DZANK1: variants seen among roughly 807,000 people sequenced by gnomAD.
DZANK1 encodes double zinc ribbon and ankyrin repeat-containing protein 1.
In DZANK1, 91 loss-of-function variants were observed where a neutral mutation model predicts 94.5. The ratio of observed to expected loss-of-function variants is 0.96; its 90% confidence interval spans 0.81 to 1.15. The LOEUF (loss-of-function observed/expected upper bound fraction) is 1.15. Among genes scored for constraint, DZANK1 ranks in the 50% most tolerant of loss-of-function variants. The probability of loss-of-function intolerance (pLI) is 0.00; values close to 1 mark genes in which losing one functional copy is unlikely to be tolerated. For synonymous variants in DZANK1, 312 were observed against 325.3 expected (o/e 0.96, Z 0.44); for missense variants, 903 against 916.4 (o/e 0.99, Z 0.19).
At chr20:18,433,413 A>T in intron 9 of DZANK1, 1 of 447,806 alleles carries the variant, frequency 2.2e-6, no homozygotes, top group Non-Finnish European at 4.1e-6. Context: ...GTGGTGGTGC[A>T]CGCCTGTAGT....
intron 6 of DZANK1, chr20:18,451,871 T>C: frequency 1.9e-6 from 1 of 518,728 alleles, no homozygotes; most frequent in Non-Finnish European, 3.8e-6. Context: ...AAAAGCCTCC[T>C]AAATAATGTT....
At chr20:18,453,789 T>G (rs767345082) in exon 5 of DZANK1, 5 of 1,612,460 alleles carry the variant, frequency 3.1e-6, no homozygotes, top group Non-Finnish European at 4.2e-6. Flanking sequence ...TCTTATATTT[T>G]TTCTTTAGTT....
chr20:18,461,976 G>A (rs957250037), intron 2 of DZANK1, among the ~76,000 whole-genome samples: 2 of 151,766 alleles, frequency 1.3e-5, no homozygotes, highest in African/African-American at 4.8e-5. Context: ...CACCAGCAAT[G>A]CATGAAAACA....
chr20:18,433,525 G>T, intron 9 of DZANK1, 127 bp downstream of exon 9: 1 of 764,262 alleles, frequency 1.3e-6, no homozygotes, highest in Non-Finnish European at 2.1e-6. Flanking sequence ...CTGTGTGACA[G>T]AACAAGATTC....
intron 13 of DZANK1, among the ~76,000 whole-genome samples, chr20:18,401,577 G>T (rs1394273746): frequency 6.6e-6 from 1 of 152,198 alleles, no homozygotes; most frequent in Non-Finnish European, 1.5e-5. Flanking sequence ...TGGGATCCAA[G>T]ATTATTTCAT....
intron 10 of DZANK1, 99 bp downstream of exon 10, chr20:18,426,968 C>A: frequency 1.3e-6 from 1 of 774,624 alleles, no homozygotes. Context: ...TTTTTTTGGT[C>A]TCTCTCCCCA....
At chr20:18,455,795 C>G (rs2059265400) in intron 3 of DZANK1, among the ~76,000 whole-genome samples, 1 of 152,186 alleles carries the variant, frequency 6.6e-6, no homozygotes, top group Non-Finnish European at 1.5e-5. Context: ...AATCTCCATC[C>G]CTCTGTCCCT....
At chr20:18,412,348 A>G (rs1054402404) in intron 13 of DZANK1, among the ~76,000 whole-genome samples, 2 of 152,194 alleles carry the variant, frequency 1.3e-5, no homozygotes, top group African/African-American at 4.8e-5. Flanking sequence ...GCAGATAGCA[A>G]TAGCACTGTG....
chr20:18,460,383 A>G, intron 2 of DZANK1, 77 bp from the exon 3 acceptor site: 1 of 1,055,910 alleles, frequency 9.5e-7, no homozygotes, highest in Non-Finnish European at 1.3e-6. Flanking sequence ...AGGTCAGTTT[A>G]AGATCTAAGT....
rs2056209872 is a variant in DZANK1 at position 18,394,402 on chromosome 20, A to C, written c.1612-52T>G. ...ATGAATGATGAGGCTGCTTTGTCCC[A>C]CTAGAAAGAAGGATCTCCCTTCTAA... On this transcript the variant is annotated intron_variant, in intron 15 of 20. Coordinates refer to ENST00000262547, the Ensembl canonical transcript of DZANK1. 1.9e-6 allele frequency: 3 copies of C among 1,546,350 alleles called. No individual in the cohort carries two copies. In the Admixed American group the frequency reaches 5.4e-5, roughly 28 times the overall value.
Position 18,435,109 on chromosome 20 carries a change from C to T in DZANK1, c.748-1344G>A, listed in dbSNP as rs191207622. The stretch of plus-strand genomic sequence containing the variant: ...ACACATAGAGAACTGCAAGAGAGCT[C>T]GGCATAGAGTAAAAGCTGGGGCTGG... On this transcript the variant is annotated intron_variant, in intron 8 of 20. Transcript: ENST00000262547. Among the ~76,000 whole-genome samples, 320 of 152,256 alleles carry T rather than the reference C, an allele frequency of 2.1e-3. 2 individuals are homozygous for T. Among genetic ancestry groups the T allele is most frequent in the African/African-American group, 7.3e-3 (302 of 41,546 alleles).
intron 13 of DZANK1, among the ~76,000 whole-genome samples, chr20:18,410,020 G>A (rs983772544): frequency 3.7e-5 from 5 of 134,558 alleles, no homozygotes; most frequent in South Asian, 5.0e-4. Flanking sequence ...GTGGCAGAGC[G>A]AGACTCCGTC....
chr20:18,385,095 T>C lies in DZANK1; in HGVS notation c.2019-5A>G, dbSNP rs2048401410. 1 of 1,552,300 alleles carries C rather than the reference T, an allele frequency of 6.4e-7. No individual in the cohort carries two copies. The highest frequency in any genetic ancestry group is 2.4e-5 in the East Asian group (1 of 41,010). On this transcript the variant is annotated splice_polypyrimidine_tract_variant and splice_region_variant and intron_variant, in intron 19 of 20. Coordinates refer to ENST00000262547, the Ensembl canonical transcript of DZANK1. ...TGAAGAGCTGTATTTCTGAGCCTAA[T>C]GAGGGGGGAAAAATCCTGGATAAAT...
chr20:18,434,835 G>A (rs2058453459), intron 8 of DZANK1, among the ~76,000 whole-genome samples: 1 of 152,170 alleles, frequency 6.6e-6, no homozygotes, highest in Non-Finnish European at 1.5e-5. Flanking sequence ...CTGTTAAGGT[G>A]ACGATTTTGG....
At chr20:18,451,464 A>C (rs1317018094) in intron 6 of DZANK1, among the ~76,000 whole-genome samples, 1 of 151,936 alleles carries the variant, frequency 6.6e-6, no homozygotes, top group Non-Finnish European at 1.5e-5. Flanking sequence ...TAAGTTGAGG[A>C]CTTTCTTCAT....
intron 2 of DZANK1, 150 bp from the exon 3 acceptor site, chr20:18,460,456 CAT>C: frequency 4.6e-6 from 3 of 650,288 alleles, no homozygotes; most frequent in Non-Finnish European, 7.0e-6. Context: ...TTAGGACAGG[CAT>C]GTGGCTCACG....
intron 13 of DZANK1, 146 bp from the exon 14 acceptor site, chr20:18,398,772 C>G: frequency 1.4e-6 from 1 of 712,510 alleles, no homozygotes; most frequent in Non-Finnish European, 2.4e-6. Context: ...CTCAACTATG[C>G]TCTGGAACAA....
chr20:18,447,375 G>A (rs905425868), intron 7 of DZANK1, among the ~76,000 whole-genome samples: 2 of 152,202 alleles, frequency 1.3e-5, no homozygotes, highest in Non-Finnish European at 2.9e-5. Context: ...AGGCTGGAGT[G>A]CAGTGGCACA....
chr20:18,400,742 A>T (rs904703027), intron 13 of DZANK1, among the ~76,000 whole-genome samples: 2 of 152,216 alleles, frequency 1.3e-5, no homozygotes, highest in Admixed American at 1.3e-4. Context: ...GTAGCCATTT[A>T]TCCCACAAAT....
Sources: gnomAD v4.1 joint callset for allele counts (sites outside exome capture counted in the v4.1 genomes callset) on GRCh38, gnomAD v4.1.1 for gene constraint, MANE v1.5 for transcripts, NCBI Gene and HGNC (gene_info 2026-07-23, HGNC 2026-07-21) for gene names.